PLEKHD1: variants seen among roughly 807,000 people sequenced by gnomAD.
PLEKHD1 encodes the protein pleckstrin homology and coiled-coil domain containing D1.
PLEKHD1 carries 51 observed loss-of-function variants against 69.2 expected under a neutral mutation model. That is an observed-to-expected ratio of 0.74 (90% CI 0.59 to 0.93). The LOEUF is 0.93. Among genes scored for constraint, PLEKHD1 ranks in the 40% least tolerant of loss-of-function variants. PLEKHD1 has a pLI of 0.00. For missense variants in PLEKHD1, 584 were observed against 641.0 expected, an observed-to-expected ratio of 0.91 and a Z score of 0.96; for synonymous variants, 236 against 244.7, an observed-to-expected ratio of 0.96 and a Z score of 0.33.
intron 6 of PLEKHD1, among the ~76,000 whole-genome samples, chr14:69,521,301 A>T (rs8010655): frequency 6.6e-6 from 1 of 152,206 alleles, no homozygotes; most frequent in African/African-American, 2.4e-5. Context: ...GTAGTTTAGA[A>T]ATGGAGGTCA....
At chr14:69,489,027 G>T (rs933591453) in intron 1 of PLEKHD1, among the ~76,000 whole-genome samples, 1 of 152,182 alleles carries the variant, frequency 6.6e-6, no homozygotes, top group Non-Finnish European at 1.5e-5. Context: ...CACTGGGGTC[G>T]TATGATTATT....
intron 1 of PLEKHD1, among the ~76,000 whole-genome samples, chr14:69,496,842 C>T (rs944062367): frequency 6.6e-6 from 1 of 151,904 alleles, no homozygotes; most frequent in African/African-American, 2.4e-5. Context: ...CCACTGTACC[C>T]AGCCAGGAAA....
At chr14:69,479,507 G>A in the PLEKHD1 span, among the ~76,000 whole-genome samples, 2 of 152,136 alleles carry the variant, frequency 1.3e-5, no homozygotes, top group Non-Finnish European at 2.9e-5. Context: ...CACAGTCCTA[G>A]TGAGAAAGGT....
chr14:69,479,646 AAAT>A, the PLEKHD1 span, among the ~76,000 whole-genome samples: 1 of 146,352 alleles, frequency 6.8e-6, no homozygotes, highest in East Asian at 2.0e-4. Flanking sequence ...ATCTCTAAAA[AAAT>A]AATAATAATA....
At position 69,507,882 on chromosome 14, in the gene PLEKHD1, T is replaced by A. The variant is rs185899706; in HGVS notation, c.555+5003T>A. Among the ~76,000 whole-genome samples the A allele has an allele frequency of 2.0e-3, 303 of 152,098 alleles. 1 individual carries two copies. Among genetic ancestry groups the A allele is most frequent in the African/African-American group, 6.8e-3 (284 of 41,486 alleles). ...CTCCAGCACACTTGGCTAATTTTTT[T>A]AAATTATTTTTATAGAGATGGGGTC... On this transcript the variant is annotated intron_variant, in intron 6 of 12. Coordinates refer to ENST00000322564, the MANE Select transcript of PLEKHD1 (RefSeq NM_001161498.2).
intron 1 of PLEKHD1, among the ~76,000 whole-genome samples, chr14:69,487,346 T>C (rs909435757): frequency 2.6e-5 from 4 of 152,060 alleles, no homozygotes; most frequent in Non-Finnish European, 5.9e-5. Flanking sequence ...AGCTTCCCAT[T>C]TGTAAAGTAG....
chr14:69,500,772 C>G, intron 3 of PLEKHD1, 99 bp from the exon 4 acceptor site: 1 of 1,520,960 alleles, frequency 6.6e-7, no homozygotes, highest in African/African-American at 1.4e-5. Flanking sequence ...GGGGCATCAG[C>G]ACCCAGGGAT....
intron 6 of PLEKHD1, among the ~76,000 whole-genome samples, chr14:69,508,759 A>T (rs1367090195): frequency 6.6e-6 from 1 of 152,220 alleles, no homozygotes; most frequent in Non-Finnish European, 1.5e-5. Context: ...CAAAAGAGAT[A>T]GTGAGAAAGT....
chr14:69,484,190 G>A (rs114818706), upstream of PLEKHD1, among the ~76,000 whole-genome samples: 51 of 152,314 alleles, frequency 3.3e-4, no homozygotes, highest in African/African-American at 1.2e-3. Context: ...GGCACTTTGG[G>A]CACTTCCTGA....
intron 1 of PLEKHD1, among the ~76,000 whole-genome samples, chr14:69,498,663 T>TTCTCTTCTCTTCTCTTCTCTTCTC (rs1555337218): frequency 3.1e-4 from 19 of 61,898 alleles, no homozygotes; most frequent in African/African-American, 8.6e-4. Flanking sequence ...CTTCTCTTCT[T>TTCTCTTCTCTTCTCTTCTCTTCTC]TGAGATGGAG....
At chr14:69,473,914 C>T in the PLEKHD1 span, among the ~76,000 whole-genome samples, 6 of 152,208 alleles carry the variant, frequency 3.9e-5, no homozygotes, top group African/African-American at 1.4e-4. Context: ...TTGTTTCCTT[C>T]CAGCCCTCCA....
chr14:69,523,442 A>G (rs1347856861), intron 7 of PLEKHD1, among the ~76,000 whole-genome samples: 1 of 152,126 alleles, frequency 6.6e-6, no homozygotes, highest in Admixed American at 6.5e-5. Flanking sequence ...TTGAGGAGGG[A>G]AAAACCCAGA....
At chr14:69,486,299 C>T (rs183336553) in intron 1 of PLEKHD1, among the ~76,000 whole-genome samples, 1 of 152,208 alleles carries the variant, frequency 6.6e-6, no homozygotes, top group East Asian at 1.9e-4. Context: ...GACCGCAGAA[C>T]AAATGGAGCT....
chr14:69,497,705 G>A (rs1201941897), intron 1 of PLEKHD1, among the ~76,000 whole-genome samples: 1 of 152,236 alleles, frequency 6.6e-6, no homozygotes, highest in East Asian at 1.9e-4. Context: ...GCTGAGAGGT[G>A]GGAAGAGGTC....
intron 1 of PLEKHD1, among the ~76,000 whole-genome samples, chr14:69,486,687 A>G (rs1882661723): frequency 6.6e-6 from 1 of 152,162 alleles, no homozygotes; most frequent in East Asian, 1.9e-4. Flanking sequence ...TTCTCTTGCC[A>G]GACATTTTCA....
intron 6 of PLEKHD1, among the ~76,000 whole-genome samples, chr14:69,516,263 C>T (rs1437005933): frequency 1.3e-5 from 2 of 152,174 alleles, no homozygotes; most frequent in African/African-American, 2.4e-5. Context: ...AAATCATGCT[C>T]TTTGTAGAAA....
chr14:69,522,160 TG>T, intron 6 of PLEKHD1, 122 bp from the exon 7 acceptor site: 1 of 844,774 alleles, frequency 1.2e-6, no homozygotes, highest in Non-Finnish European at 1.8e-6. Flanking sequence ...ATTCCCGGTC[TG>T]GTGCAGCACA....
intron 1 of PLEKHD1, among the ~76,000 whole-genome samples, chr14:69,496,702 ATTTT>A (rs375368521): frequency 6.2e-5 from 7 of 112,916 alleles, no homozygotes; most frequent in Admixed American, 1.9e-4. Context: ...TGCCCAGCTA[ATTTT>A]TTTTTTTTTT....
At chr14:69,477,291 A>G in the PLEKHD1 span, among the ~76,000 whole-genome samples, 1 of 152,062 alleles carries the variant, frequency 6.6e-6, no homozygotes, top group Non-Finnish European at 1.5e-5. Context: ...CACAGGAAAG[A>G]CCCACCCCCA....
Sources: allele counts gnomAD v4.1 joint callset (sites outside exome capture counted in the v4.1 genomes callset), GRCh38; gene constraint gnomAD v4.1.1; transcripts MANE v1.5; gene names NCBI Gene and HGNC (gene_info 2026-07-23, HGNC 2026-07-21).